Variants in PRKG1 observed in about 807,000 individuals in gnomAD.
PRKG1 encodes the protein protein kinase cGMP-dependent 1, also known as cGMP-dependent protein kinase 1.
PRKG1 carries 35 observed loss-of-function variants against 88.1 expected under a neutral mutation model. That is an observed-to-expected ratio of 0.40 (90% CI 0.30 to 0.53). The LOEUF (loss-of-function observed/expected upper bound fraction) is 0.53, where lower values mean the gene tolerates loss of function less well. PRKG1 is among the 20% of genes least tolerant of loss of function. PRKG1 has a pLI of 0.59. For synonymous variants in PRKG1, 303 were observed against 292.5 expected (o/e 1.04, Z -0.37); for missense variants, 540 against 839.8 (o/e 0.64, Z 4.41).
intron 2 of PRKG1, among the ~76,000 whole-genome samples, chr10:51,349,564 T>C (rs897001694): frequency 1.2e-3 from 176 of 151,214 alleles, no homozygotes; most frequent in African/African-American, 3.9e-3. Context: ...TGGAGTGCAG[T>C]GGCATGATCT....
chr10:51,312,793 C>G (rs1040233123), intron 2 of PRKG1, among the ~76,000 whole-genome samples: 4 of 151,736 alleles, frequency 2.6e-5, no homozygotes, highest in African/African-American at 9.7e-5. Context: ...TTCCAGTCCC[C>G]AAGTAGTGGG....
chr10:51,979,482 T>C (rs1843948122), intron 5 of PRKG1, among the ~76,000 whole-genome samples: 2 of 137,526 alleles, frequency 1.5e-5, no homozygotes, highest in East Asian at 2.4e-4. Context: ...GCTGGCCTCA[T>C]AGAATGAGTT....
intron 1 of PRKG1, among the ~76,000 whole-genome samples, chr10:51,142,010 C>A (rs761951769): frequency 2.6e-4 from 39 of 151,976 alleles, no homozygotes; most frequent in Non-Finnish European, 7.4e-5. Flanking sequence ...ATTTGAAATT[C>A]AAATACAGAT....
chr10:51,786,611 A>G (rs1442820543), intron 3 of PRKG1, among the ~76,000 whole-genome samples: 1 of 152,070 alleles, frequency 6.6e-6, no homozygotes, highest in Non-Finnish European at 1.5e-5. Context: ...TCACCACACT[A>G]TATTGATATT....
At chr10:51,223,967 G>A (rs1169713811) in intron 2 of PRKG1, among the ~76,000 whole-genome samples, 1 of 152,100 alleles carries the variant, frequency 6.6e-6, no homozygotes, top group African/African-American at 2.4e-5. Context: ...TTAGGAGCAG[G>A]TTTTTATAAT....
At chr10:51,988,679 C>A (rs1054340466) in intron 5 of PRKG1, among the ~76,000 whole-genome samples, 4 of 151,778 alleles carry the variant, frequency 2.6e-5, no homozygotes, top group Non-Finnish European at 5.9e-5. Flanking sequence ...TCCTTTATAC[C>A]TTTTTCTTTT....
intron 5 of PRKG1, among the ~76,000 whole-genome samples, chr10:51,966,454 G>T (rs1843569267): frequency 6.6e-6 from 1 of 151,884 alleles, no homozygotes; most frequent in Non-Finnish European, 1.5e-5. Flanking sequence ...TGTCATAAAT[G>T]GCATGTCCTA....
chr10:52,017,766 T>A (rs762958559), intron 5 of PRKG1, among the ~76,000 whole-genome samples: 4 of 152,162 alleles, frequency 2.6e-5, no homozygotes, highest in Non-Finnish European at 5.9e-5. Context: ...ATACCTAAGA[T>A]GTTTCCCGGG....
intron 1 of PRKG1, among the ~76,000 whole-genome samples, chr10:51,124,690 G>A (rs1305979179): frequency 6.6e-6 from 1 of 152,174 alleles, no homozygotes; most frequent in Non-Finnish European, 1.5e-5. Context: ...ACTTCACCAT[G>A]TAAAACAAGC....
intron 5 of PRKG1, among the ~76,000 whole-genome samples, chr10:52,047,678 G>T (rs563600893): frequency 2.0e-5 from 3 of 152,168 alleles, no homozygotes; most frequent in African/African-American, 7.2e-5. Context: ...TACTAGCATG[G>T]TTTTTGATTA....
At chr10:51,628,972 A>AAAAG (rs1554827084) in intron 3 of PRKG1, among the ~76,000 whole-genome samples, 3 of 84,084 alleles carry the variant, frequency 3.6e-5, no homozygotes, top group African/African-American at 9.5e-5. Context: ...TCTCAAAAAA[A>AAAAG]AAAAAAACAA....
intron 10 of PRKG1, among the ~76,000 whole-genome samples, chr10:52,258,131 C>A (rs1020628593): frequency 1.4e-5 from 2 of 138,952 alleles, no homozygotes; most frequent in African/African-American, 5.0e-5. Context: ...AATTGAAATG[C>A]CTATTTTTTC....
chr10:51,264,237 C>T (rs1839785528), intron 2 of PRKG1, among the ~76,000 whole-genome samples: 1 of 152,162 alleles, frequency 6.6e-6, no homozygotes, highest in Admixed American at 6.5e-5. Context: ...GTAAATTCTC[C>T]ATTAAAGATA....
chr10:52,105,273 G>T (rs1847388527), intron 7 of PRKG1, among the ~76,000 whole-genome samples: 1 of 152,068 alleles, frequency 6.6e-6, no homozygotes, highest in Non-Finnish European at 1.5e-5. Context: ...GAAATTATAT[G>T]ATGTCTGTAA....
chr10:51,575,713 A>G (rs1837869511), intron 3 of PRKG1, among the ~76,000 whole-genome samples: 1 of 148,600 alleles, frequency 6.7e-6, no homozygotes, highest in South Asian at 2.1e-4. Flanking sequence ...TCATGGCTTC[A>G]TCATTTTTTT....
At chr10:51,711,298 G>C (rs1488663325) in intron 3 of PRKG1, among the ~76,000 whole-genome samples, 1 of 151,960 alleles carries the variant, frequency 6.6e-6, no homozygotes, top group Non-Finnish European at 1.5e-5. Flanking sequence ...ATAGAGACAG[G>C]GTTCATCGTG....
intron 3 of PRKG1, among the ~76,000 whole-genome samples, chr10:51,676,669 G>C (rs1483661955): frequency 6.6e-6 from 1 of 152,078 alleles, no homozygotes; most frequent in Non-Finnish European, 1.5e-5. Context: ...TTGAAATACT[G>C]ATTTATTTAT....
At chr10:51,048,154 C>T (rs1016239951) in intron 1 of PRKG1, among the ~76,000 whole-genome samples, 1 of 152,096 alleles carries the variant, frequency 6.6e-6, no homozygotes, top group East Asian at 1.9e-4. Flanking sequence ...CCCATTATTT[C>T]TATATTTTTG....
Position 51,195,341 on chromosome 10 carries a change from C to T in PRKG1, c.478+42011C>T, listed in dbSNP as rs74133527. Among the ~76,000 whole-genome samples the T allele has an allele frequency of 4.6e-3, 707 of 152,238 alleles. 14 individuals carry two copies. Among genetic ancestry groups the T allele is most frequent in the African/African-American group, 0.016 (678 of 41,550 alleles). ...AGTGTTACTGGCACTTGAGTTACCT[C>T]CTTAATTCAGTTCAAACGTCAGTTT... On this transcript the variant is annotated intron_variant, in intron 2 of 17. Transcript: ENST00000373980.
Sources: gnomAD v4.1 joint callset for allele counts (sites outside exome capture counted in the v4.1 genomes callset) on GRCh38, gnomAD v4.1.1 for gene constraint, MANE v1.5 for transcripts, NCBI Gene and HGNC (gene_info 2026-07-23, HGNC 2026-07-21) for gene names.